CAST: variants seen among roughly 807,000 people sequenced by gnomAD.
CAST encodes the protein MIR583 host.
In CAST, 76 loss-of-function variants were observed where a neutral mutation model predicts 119.6. The observed-to-expected ratio is 0.64, with a 90% confidence interval of 0.53 to 0.77. The LOEUF is 0.77. Among genes scored for constraint, CAST ranks in the 30% least tolerant of loss-of-function variants. CAST has a pLI of 0.00. For missense variants in CAST, 953 were observed against 946.5 expected (o/e 1.01, Z -0.09); for synonymous variants, 319 against 331.6 (o/e 0.96, Z 0.41).
At chr5:96,307,442 C>A in the CAST span, among the ~76,000 whole-genome samples, 1 of 152,174 alleles carries the variant, frequency 6.6e-6, no homozygotes, top group African/African-American at 2.4e-5. Flanking sequence ...GGGCATCTAG[C>A]CCATTTACAT....
intron 2 of CAST, among the ~76,000 whole-genome samples, chr5:96,694,696 C>A (rs1753083450): frequency 6.6e-6 from 1 of 152,138 alleles, no homozygotes. Flanking sequence ...TATAGATATT[C>A]ATAAGAAAGA....
At position 96,773,760 on chromosome 5, in the gene CAST, A is replaced by G. The variant is rs1225896562; in HGVS notation, c.*1144A>G. The stretch of plus-strand genomic sequence containing the variant: ...GATTAGAATTTTGATATTTAATTTC[A>G]TCTTTATTTCCTGGTAGAGAATGCA... On this transcript the variant is annotated 3_prime_UTR_variant, in exon 32 of 32. Coordinates refer to ENST00000675179, the MANE Select transcript of CAST (RefSeq NM_001750.7). 6.6e-6 allele frequency: 1 copy of G among 152,346 alleles called. No individual in the cohort carries two copies. Among genetic ancestry groups the G allele is most frequent in the Non-Finnish European group, 1.5e-5 (1 of 68,022 alleles). 9.4% of individuals were successfully genotyped at this position (152,346 alleles called of 1,614,324 possible). A position where few individuals can be genotyped will look rare whatever the true frequency, so the allele number is the denominator to read the frequency against.
At chr5:96,771,953 G>A in intron 31 of CAST, 1 of 301,274 alleles carries the variant, frequency 3.3e-6, no homozygotes, top group South Asian at 9.6e-5. Flanking sequence ...ATTAGGCCAG[G>A]CACTTAGAAT....
intron 1 of CAST, among the ~76,000 whole-genome samples, chr5:96,662,731 G>C (rs550013479): frequency 7.2e-5 from 11 of 152,304 alleles, no homozygotes; most frequent in South Asian, 4.1e-4. Flanking sequence ...TAGAGTGGAG[G>C]GGGGGACGCG....
At chr5:96,080,084 C>T in the CAST span, among the ~76,000 whole-genome samples, 1 of 152,136 alleles carries the variant, frequency 6.6e-6, no homozygotes, top group Admixed American at 6.5e-5. Context: ...ATGGGTTTGA[C>T]TGCCTGCTAC....
the CAST span, among the ~76,000 whole-genome samples, chr5:95,975,794 C>T: frequency 6.6e-6 from 1 of 152,172 alleles, no homozygotes; most frequent in African/African-American, 2.4e-5. Context: ...CAGGCATGGT[C>T]TACCTAGGGA....
intron 13 of CAST, chr5:96,741,047 G>A: frequency 1.7e-6 from 1 of 594,450 alleles, no homozygotes; most frequent in Non-Finnish European, 3.0e-6. Flanking sequence ...ATAATAGAAT[G>A]AGAATGTAAC....
At chr5:96,079,319 T>A in the CAST span, 2 of 326,960 alleles carry the variant, frequency 6.1e-6, no homozygotes. Flanking sequence ...TATTTTCTCT[T>A]GTGAGTCAGG....
At chr5:96,068,791 G>A in the CAST span, among the ~76,000 whole-genome samples, 2 of 150,516 alleles carry the variant, frequency 1.3e-5, no homozygotes, top group Non-Finnish European at 3.0e-5. Context: ...ATACACATGT[G>A]TGTATATGTA....
chr5:96,718,083 A>C (rs1757506303), intron 3 of CAST, among the ~76,000 whole-genome samples: 1 of 152,210 alleles, frequency 6.6e-6, no homozygotes, highest in East Asian at 1.9e-4. Context: ...TCAACAGGTG[A>C]GTCAAGGCCA....
chr5:96,133,944 T>G, the CAST span, among the ~76,000 whole-genome samples: 1 of 152,148 alleles, frequency 6.6e-6, no homozygotes, highest in East Asian at 1.9e-4. Context: ...AGATTAACAG[T>G]GAAAGTCAAG....
the CAST span, among the ~76,000 whole-genome samples, chr5:96,512,665 T>C: frequency 6.6e-6 from 1 of 152,230 alleles, no homozygotes; most frequent in Non-Finnish European, 1.5e-5. Flanking sequence ...TGTAGTCTTT[T>C]ATTACTACCT....
At chr5:96,224,124 C>T in the CAST span, among the ~76,000 whole-genome samples, 3 of 152,172 alleles carry the variant, frequency 2.0e-5, no homozygotes, top group African/African-American at 7.2e-5. Context: ...AGAAGCTCAA[C>T]TAGAAGTCCT....
chr5:96,766,172 G>T (rs1402086121), intron 27 of CAST, 27 bp downstream of exon 27: 1 of 1,235,152 alleles, frequency 8.1e-7, no homozygotes, highest in Non-Finnish European at 1.2e-6. Context: ...TGCTAGATCG[G>T]ATTTATGCTA....
chr5:96,686,434 G>A (rs935391538), intron 2 of CAST, among the ~76,000 whole-genome samples: 1 of 152,158 alleles, frequency 6.6e-6, no homozygotes, highest in African/African-American at 2.4e-5. Context: ...GAAGCAGCAA[G>A]CAAAGAGGTA....
At chr5:96,764,675 G>A (rs1244998396) in intron 25 of CAST, among the ~76,000 whole-genome samples, 1 of 152,096 alleles carries the variant, frequency 6.6e-6, no homozygotes, top group Non-Finnish European at 1.5e-5. Context: ...TGCGGGTCAC[G>A]CTGCACTTTC....
intron 1 of CAST, among the ~76,000 whole-genome samples, chr5:96,610,844 C>T (rs924760772): frequency 6.6e-6 from 1 of 152,056 alleles, no homozygotes; most frequent in Non-Finnish European, 1.5e-5. Flanking sequence ...AATCAATGTA[C>T]AAAAATCTGT....
At chr5:96,542,455 GT>G (rs35255789) in intron 1 of CAST, among the ~76,000 whole-genome samples, 93,416 of 151,900 alleles carry the variant, frequency 0.61, 29,083 homozygotes, top group East Asian at 0.86. Context: ...GGTATTGTCA[GT>G]TTTTTTATTT....
the CAST span, among the ~76,000 whole-genome samples, chr5:95,975,829 A>G: frequency 1.3e-5 from 2 of 152,158 alleles, no homozygotes; most frequent in Non-Finnish European, 2.9e-5. Context: ...TTTTATAATC[A>G]TTTATTGCCT....
Sources: allele counts gnomAD v4.1 joint callset (sites outside exome capture counted in the v4.1 genomes callset), GRCh38; gene constraint gnomAD v4.1.1; transcripts MANE v1.5; gene names NCBI Gene and HGNC (gene_info 2026-07-23, HGNC 2026-07-21).